Variants in INPP5B observed in about 807,000 individuals in gnomAD.
The protein encoded by INPP5B is type II inositol 1,4,5-trisphosphate 5-phosphatase.
A neutral mutation model predicts 118.5 loss-of-function variants in INPP5B; 90 were observed. The observed-to-expected ratio is 0.76, with a 90% confidence interval of 0.64 to 0.90. The LOEUF (loss-of-function observed/expected upper bound fraction) is 0.90, where lower values mean the gene tolerates loss of function less well. Ranked by LOEUF, INPP5B falls within the 40% of genes least tolerant of loss-of-function variation. The pLI is 0.00. For missense variants in INPP5B, 984 were observed against 1,125.6 expected (o/e 0.87, Z 1.80); for synonymous variants, 385 against 418.9 (o/e 0.92, Z 0.99).
At chr1:37,893,614 C>G (rs1476161104) in intron 7 of INPP5B, among the ~76,000 whole-genome samples, 1 of 152,182 alleles carries the variant, frequency 6.6e-6, no homozygotes, top group African/African-American at 2.4e-5. Flanking sequence ...TCACCCCACC[C>G]TCTCCAACCC....
intron 6 of INPP5B, among the ~76,000 whole-genome samples, chr1:37,937,488 C>T (rs1290131551): frequency 6.6e-6 from 1 of 151,740 alleles, no homozygotes; most frequent in Non-Finnish European, 1.5e-5. Flanking sequence ...AAAAGTTGGC[C>T]AGGGACAGTC....
At chr1:37,904,790 T>C (rs1445385867) in intron 7 of INPP5B, among the ~76,000 whole-genome samples, 2 of 151,376 alleles carry the variant, frequency 1.3e-5, no homozygotes, top group South Asian at 2.1e-4. Context: ...GGCAGGAGAA[T>C]AGCTCGAACC....
intron 17 of INPP5B, among the ~76,000 whole-genome samples, chr1:37,875,331 C>T (rs1328981238): frequency 3.3e-5 from 5 of 152,102 alleles, no homozygotes; most frequent in African/African-American, 9.7e-5. Flanking sequence ...TGCAGTGGCG[C>T]GATCTCGGCT....
At chr1:37,929,017 A>T (rs1645346506) in intron 7 of INPP5B, 1 of 152,162 alleles carries the variant, frequency 6.6e-6, no homozygotes. Context: ...ACCCAAACAG[A>T]ACTGGAGAGC....
At chr1:37,919,931 GACT>G (rs1421650396) in intron 7 of INPP5B, among the ~76,000 whole-genome samples, 1 of 152,118 alleles carries the variant, frequency 6.6e-6, no homozygotes, top group Non-Finnish European at 1.5e-5. Context: ...AACACAGCAA[GACT>G]ACATCTTAAA....
intron 23 of INPP5B, among the ~76,000 whole-genome samples, chr1:37,862,844 A>G (rs1641779009): frequency 6.6e-6 from 1 of 152,126 alleles, no homozygotes; most frequent in Admixed American, 6.5e-5. Context: ...CTAGGCCAAC[A>G]TGGTAAAACC....
intron 19 of INPP5B, among the ~76,000 whole-genome samples, chr1:37,871,329 G>A (rs1642417601): frequency 6.6e-6 from 1 of 150,954 alleles, no homozygotes; most frequent in African/African-American, 2.4e-5. Flanking sequence ...ATGGTGGCGG[G>A]CACCTGTAAT....
At chr1:37,940,014 A>G (rs544055195) in intron 6 of INPP5B, among the ~76,000 whole-genome samples, 17 of 152,310 alleles carry the variant, frequency 1.1e-4, no homozygotes, top group Admixed American at 4.6e-4. Context: ...CAGGCTCCAC[A>G]GCAAGACCAC....
intron 10 of INPP5B, 118 bp downstream of exon 10, chr1:37,888,125 C>G (rs1251600281): frequency 1.8e-6 from 1 of 552,626 alleles, no homozygotes; most frequent in Non-Finnish European, 3.0e-6. Flanking sequence ...AACAGGGAAA[C>G]AGCTGTTATC....
rs781152451 is a variant in INPP5B at position 37,889,658 on chromosome 1, C to T, written c.696G>A (p.Lys232=). ...VRSSTITVSD[K]AHILSMQKFG... is the part of the protein sequence containing the mutation. ...ACTTCTGCATGGATAAAATATGAGC[C>T]TTGTCCGACACTGTGATAGTGGAGG... The change falls in exon 9 of 24, where the codon AAG becomes AAA. Residue 232 remains lysine (K), a synonymous_variant. Transcript: ENST00000373024. 6.8e-6 allele frequency: 11 copies of T among 1,613,840 alleles called. No homozygotes were observed. The highest frequency in any genetic ancestry group is 2.2e-5 in the South Asian group (2 of 91,068).
chr1:37,931,473 C>A (rs1219750112), intron 7 of INPP5B: 1 of 1,533,010 alleles, frequency 6.5e-7, no homozygotes, highest in South Asian at 1.2e-5. Context: ...CATTCCCACC[C>A]GCCTACCCTC....
Position 37,946,310 on chromosome 1 carries a change from C to T in INPP5B, c.-2G>A. On this transcript the variant is annotated 5_prime_UTR_variant, in exon 2 of 24. Transcript: ENST00000373024. ...CTGGATTGCCACAGACTGGTCCATG[C>T]TGGCCCCTGCTGAGCGCACACACCC... 1 of 1,610,690 alleles carries T rather than the reference C, an allele frequency of 6.2e-7. No homozygotes were observed.
intron 6 of INPP5B, among the ~76,000 whole-genome samples, chr1:37,937,628 A>G (rs1292580034): frequency 6.6e-6 from 1 of 152,042 alleles, no homozygotes; most frequent in Non-Finnish European, 1.5e-5. Flanking sequence ...TTAGCCAGGC[A>G]TGGTGGCATG....
chr1:37,938,079 T>C (rs1398786849), intron 6 of INPP5B, among the ~76,000 whole-genome samples: 1 of 151,082 alleles, frequency 6.6e-6, no homozygotes, highest in East Asian at 1.9e-4. Flanking sequence ...AAGACCAGCC[T>C]GATCAACATG....
intron 19 of INPP5B, among the ~76,000 whole-genome samples, chr1:37,871,086 C>T (rs1032023307): frequency 7.7e-5 from 11 of 143,168 alleles, no homozygotes; most frequent in South Asian, 2.3e-4. Flanking sequence ...GCAACCTGGA[C>T]GGCAGAGGTT....
At position 37,873,922 on chromosome 1, in the gene INPP5B, G is replaced by C. The variant is rs982173453; in HGVS notation, c.1951+71C>G. On this transcript the variant is annotated intron_variant, in intron 18 of 23. Transcript: ENST00000373024. ...ACACTCAAGCAAAAAGCTCATTTTA[G>C]GAAAATGAGCAAATATAGAGTAAGG... 1.1e-5 allele frequency: 13 copies of C among 1,236,048 alleles called. No individual in the cohort carries two copies. In the African/African-American group the frequency reaches 2.0e-4, roughly 19 times the overall value. 76.6% of individuals were successfully genotyped at this position (1,236,048 alleles called of 1,614,324 possible).
intron 13 of INPP5B, 51 bp downstream of exon 13, chr1:37,885,587 A>T (rs1474218210): frequency 6.5e-7 from 1 of 1,538,908 alleles, no homozygotes; most frequent in Non-Finnish European, 8.9e-7. Context: ...GACAGAGCCC[A>T]CAACTCTATG....
At chr1:37,887,879 A>T (rs1035079112) in intron 10 of INPP5B, among the ~76,000 whole-genome samples, 1 of 152,122 alleles carries the variant, frequency 6.6e-6, no homozygotes. Context: ...AAAAAAGACT[A>T]ACTGATGGGA....
At chr1:37,872,370 C>CAAAAAA (rs371968500) in intron 19 of INPP5B, among the ~76,000 whole-genome samples, 1 of 102,120 alleles carries the variant, frequency 9.8e-6, no homozygotes, top group Admixed American at 1.2e-4. Context: ...AACTCCGTCT[C>CAAAAAA]AAAAAAAAAA....
Sources: allele counts gnomAD v4.1 joint callset (sites outside exome capture counted in the v4.1 genomes callset), GRCh38; gene constraint gnomAD v4.1.1; transcripts MANE v1.5; gene names NCBI Gene and HGNC (gene_info 2026-07-23, HGNC 2026-07-21).